Variants in DNAJC1 observed in about 807,000 individuals in gnomAD.
DNAJC1 encodes the protein dnaJ homolog subfamily C member 1.
A neutral mutation model predicts 76.6 loss-of-function variants in DNAJC1; 58 were observed. The observed-to-expected ratio is 0.76, with a 90% CI of 0.61 to 0.94. The LOEUF is 0.94. DNAJC1 is among the 40% of genes least tolerant of loss of function. The probability of loss-of-function intolerance (pLI) is 0.00; values close to 1 mark genes in which losing one functional copy is unlikely to be tolerated. For synonymous variants in DNAJC1, 258 were observed against 267.9 expected, an observed-to-expected ratio of 0.96 and a Z score of 0.36; for missense variants, 689 against 677.3, an observed-to-expected ratio of 1.02 and a Z score of -0.19.
At chr10:21,790,430 A>T (rs570057253) in intron 9 of DNAJC1, among the ~76,000 whole-genome samples, 2 of 151,694 alleles carry the variant, frequency 1.3e-5, no homozygotes, top group East Asian at 3.9e-4. Context: ...GTCAAGTTAC[A>T]TTTAAGAGGA....
intron 8 of DNAJC1, among the ~76,000 whole-genome samples, chr10:21,837,068 G>A (rs1347136710): frequency 2.0e-5 from 3 of 152,322 alleles, no homozygotes; most frequent in South Asian, 2.1e-4. Flanking sequence ...GCGCCGCCAC[G>A]CCTGACTGGT....
intron 9 of DNAJC1, among the ~76,000 whole-genome samples, chr10:21,779,800 C>A (rs915191053): frequency 6.6e-6 from 1 of 152,120 alleles, no homozygotes; most frequent in Non-Finnish European, 1.5e-5. Context: ...CTTCTCCAAG[C>A]TAAAGGAGGA....
chr10:21,997,838 A>C lies in DNAJC1; in HGVS notation c.222+5375T>G, dbSNP rs370470679. 5.9e-5 allele frequency among the ~76,000 whole-genome samples: 9 copies of C among 152,320 alleles called. No individual in the cohort carries two copies. In the East Asian group the frequency reaches 1.2e-3, roughly 20 times the overall value. On this transcript the variant is annotated intron_variant, in intron 1 of 11. Coordinates refer to ENST00000376980, the MANE Select transcript of DNAJC1 (RefSeq NM_022365.4). Reference sequence around the variant, plus strand: ...AAGTTTCAGCATTCATTTGAATATAAGGATTTAGTTATAAAACACGAGAGA... The same window carrying C: ...AAGTTTCAGCATTCATTTGAATATACGGATTTAGTTATAAAACACGAGAGA...
chr10:21,831,485 G>A (rs1409191073), intron 8 of DNAJC1, among the ~76,000 whole-genome samples: 1 of 152,136 alleles, frequency 6.6e-6, no homozygotes, highest in Non-Finnish European at 1.5e-5. Context: ...TGTTGTTACT[G>A]TTGTTGTTCT....
intron 9 of DNAJC1, among the ~76,000 whole-genome samples, chr10:21,773,851 T>C (rs944394081): frequency 3.3e-5 from 5 of 151,654 alleles, no homozygotes; most frequent in South Asian, 4.2e-4. Flanking sequence ...CACATAAAGA[T>C]GTATAAAGGG....
intron 8 of DNAJC1, among the ~76,000 whole-genome samples, chr10:21,860,331 T>G (rs1488982370): frequency 3.3e-5 from 5 of 152,150 alleles, no homozygotes; most frequent in African/African-American, 1.2e-4. Flanking sequence ...AATTTCATAC[T>G]TTTATAAGAT....
chr10:21,985,624 T>C (rs774247367), intron 1 of DNAJC1, among the ~76,000 whole-genome samples: 26 of 152,224 alleles, frequency 1.7e-4, no homozygotes, highest in Non-Finnish European at 2.5e-4. Context: ...TGTAGTTGTT[T>C]TGAGTCTGAA....
At chr10:21,827,053 A>C (rs1178009215) in intron 8 of DNAJC1, among the ~76,000 whole-genome samples, 1 of 151,796 alleles carries the variant, frequency 6.6e-6, no homozygotes, top group African/African-American at 2.4e-5. Context: ...TTGTCATTTT[A>C]ATAACATTAA....
chr10:21,885,027 GAATGTCAATGTGCTA>G (rs1360119630), intron 7 of DNAJC1, among the ~76,000 whole-genome samples: 1 of 152,032 alleles, frequency 6.6e-6, no homozygotes, highest in African/African-American at 2.4e-5. Flanking sequence ...TACTAACCCT[GAATGTCAATGTGCTA>G]AATGCCCCAC....
intron 8 of DNAJC1, among the ~76,000 whole-genome samples, chr10:21,857,254 T>C (rs1287464671): frequency 1.3e-5 from 2 of 152,182 alleles, no homozygotes; most frequent in African/African-American, 4.8e-5. Context: ...TTAAAAGTCC[T>C]TGTTGAATAC....
chr10:21,887,287 C>G (rs1421731393), intron 7 of DNAJC1, among the ~76,000 whole-genome samples: 1 of 152,182 alleles, frequency 6.6e-6, no homozygotes, highest in African/African-American at 2.4e-5. Context: ...TAGGAAGAAT[C>G]AGTATCATTT....
chr10:21,806,746 T>G (rs1834889246), intron 8 of DNAJC1, among the ~76,000 whole-genome samples: 1 of 152,022 alleles, frequency 6.6e-6, no homozygotes. Flanking sequence ...AATTAGAAAC[T>G]CTTGTGGCCA....
intron 1 of DNAJC1, among the ~76,000 whole-genome samples, chr10:21,990,338 T>C (rs1409805502): frequency 1.3e-5 from 2 of 152,032 alleles, no homozygotes; most frequent in East Asian, 3.9e-4. Flanking sequence ...CTAAAGACAA[T>C]GAAAACAAGT....
chr10:21,837,974 C>A (rs1223135093), intron 8 of DNAJC1, among the ~76,000 whole-genome samples: 1 of 150,048 alleles, frequency 6.7e-6, no homozygotes, highest in Non-Finnish European at 1.5e-5. Context: ...GGGGGGCAGT[C>A]CCCGCCCGGC....
chr10:21,830,061 CATCTTCT>C (rs1337135534), intron 8 of DNAJC1, among the ~76,000 whole-genome samples: 40 of 152,134 alleles, frequency 2.6e-4, no homozygotes, highest in Non-Finnish European at 1.3e-4. Flanking sequence ...TTTTTTCTCC[CATCTTCT>C]AAGTGTTGCT....
chr10:21,931,179 A>C (rs955392955), intron 1 of DNAJC1, among the ~76,000 whole-genome samples: 5 of 151,910 alleles, frequency 3.3e-5, no homozygotes, highest in African/African-American at 1.2e-4. Flanking sequence ...TTTTAGCCTT[A>C]TCTCCCACCC....
chr10:21,908,924 C>A (rs888526548), intron 6 of DNAJC1, among the ~76,000 whole-genome samples: 1 of 151,642 alleles, frequency 6.6e-6, no homozygotes, highest in Non-Finnish European at 1.5e-5. Context: ...CTCGCTGTGT[C>A]GCCCAGGCTG....
intron 1 of DNAJC1, among the ~76,000 whole-genome samples, chr10:21,966,860 T>C (rs898043413): frequency 2.0e-5 from 3 of 151,944 alleles, no homozygotes; most frequent in Non-Finnish European, 4.4e-5. Flanking sequence ...TCATATTTTG[T>C]ATTTTGGGTA....
At chr10:21,950,980 C>A (rs544491349) in intron 1 of DNAJC1, among the ~76,000 whole-genome samples, 21 of 152,080 alleles carry the variant, frequency 1.4e-4, no homozygotes, top group Non-Finnish European at 2.1e-4. Flanking sequence ...CAGAAAGTTC[C>A]GATGGAGAAG....
Sources: allele counts gnomAD v4.1 joint callset (sites outside exome capture counted in the v4.1 genomes callset), GRCh38; gene constraint gnomAD v4.1.1; transcripts MANE v1.5; gene names NCBI Gene and HGNC (gene_info 2026-07-23, HGNC 2026-07-21).